The following TUSC3 variants were observed in gnomAD, a reference collection of about 807,000 sequenced individuals.
TUSC3 encodes dolichyl-diphosphooligosaccharide--protein glycosyltransferase subunit TUSC3.
A neutral mutation model predicts 44.8 loss-of-function variants in TUSC3; 45 were observed. The observed-to-expected ratio is 1.00, with a 90% CI of 0.79 to 1.29. The LOEUF (loss-of-function observed/expected upper bound fraction) is 1.29, where lower values mean the gene tolerates loss of function less well. TUSC3 is among the 50% of genes most tolerant of loss of function. The pLI, the probability that TUSC3 is intolerant of heterozygous loss-of-function variation, is 0.00. For missense variants in TUSC3, 519 were observed against 437.9 expected, an observed-to-expected ratio of 1.19 and a Z score of -1.65; for synonymous variants, 212 against 152.9, an observed-to-expected ratio of 1.39 and a Z score of -2.85.
intron 2 of TUSC3, among the ~76,000 whole-genome samples, chr8:15,491,792 C>T (rs552809660): frequency 1.3e-5 from 2 of 152,300 alleles, no homozygotes; most frequent in East Asian, 1.9e-4. Context: ...AGCCTGAATT[C>T]CTCAACAAGT....
rs533336718 is a variant in TUSC3, at chr8:15,456,623, A to G, written n.92-26763A>G. On this transcript the variant is annotated intron_variant and non_coding_transcript_variant, in intron 1 of 5. Coordinates refer to the TUSC3 transcript ENST00000503191. The stretch of plus-strand genomic sequence containing the variant: ...ATTCACTTATGGAACTTTGATGTAG[A>G]CAGAGGTAGGGAAAAAAGGACTTTT... Among the ~76,000 whole-genome samples the G allele has an allele frequency of 2.0e-5, 3 of 152,294 alleles. No homozygotes were observed. In the East Asian group the frequency reaches 5.8e-4, roughly 29 times the overall value.
chr8:15,467,753 T>C (rs1171967508), intron 1 of TUSC3, among the ~76,000 whole-genome samples: 1 of 152,202 alleles, frequency 6.6e-6, no homozygotes, highest in Non-Finnish European at 1.5e-5. Context: ...ATCAGTCATC[T>C]TGAATTACGT....
chr8:15,597,044 T>A (rs2129152949), intron 1 of TUSC3, among the ~76,000 whole-genome samples: 1 of 152,168 alleles, frequency 6.6e-6, no homozygotes, highest in East Asian at 1.9e-4. Context: ...TCAGCAGAAG[T>A]CAGACTTGTT....
chr8:15,604,515 A>G (rs545323224), intron 1 of TUSC3, among the ~76,000 whole-genome samples: 1 of 151,778 alleles, frequency 6.6e-6, no homozygotes, highest in Non-Finnish European at 1.5e-5. Context: ...ATATTTTCTT[A>G]TAATTATTGT....
chr8:15,825,634 T>C, the TUSC3 span, among the ~76,000 whole-genome samples: 2 of 152,148 alleles, frequency 1.3e-5, no homozygotes, highest in Non-Finnish European at 2.9e-5. Flanking sequence ...ACTGCTCTTA[T>C]TCTTAAGGAA....
chr8:15,828,273 G>C, the TUSC3 span, among the ~76,000 whole-genome samples: 1 of 152,156 alleles, frequency 6.6e-6, no homozygotes, highest in Non-Finnish European at 1.5e-5. Context: ...GGGATTATAG[G>C]CATGAGCCAC....
At chr8:15,807,097 G>T in the TUSC3 span, 1 of 1,321,146 alleles carries the variant, frequency 7.6e-7, no homozygotes, top group East Asian at 2.3e-5. Context: ...TGAGAACCAG[G>T]ATGCCCGTTA....
At chr8:15,740,764 A>G (rs1278515415) in intron 7 of TUSC3, among the ~76,000 whole-genome samples, 1 of 152,194 alleles carries the variant, frequency 6.6e-6, no homozygotes, top group African/African-American at 2.4e-5. Context: ...AAACCTCTCA[A>G]AAATTCCACT....
At chr8:15,488,369 G>T (rs894790583) in intron 2 of TUSC3, among the ~76,000 whole-genome samples, 4 of 151,908 alleles carry the variant, frequency 2.6e-5, no homozygotes, top group Admixed American at 2.6e-4. Context: ...GGGTGTAGTG[G>T]CTCGCACCTG....
Position 15,661,318 on chromosome 8 carries a change from A to G in TUSC3, c.568-838A>G, listed in dbSNP as rs1807414668. 2.0e-5 allele frequency among the ~76,000 whole-genome samples: 3 copies of G among 151,992 alleles called. No individual in the cohort carries two copies. In the South Asian group the frequency reaches 6.2e-4, roughly 31 times the overall value. ...TGGTCTAGAGTTAGATATTTCATTTAATTGTCATGTCTTGTAAGCTTCTTT... is the reference window on the plus strand; with the variant it reads ...TGGTCTAGAGTTAGATATTTCATTTGATTGTCATGTCTTGTAAGCTTCTTT... On this transcript the variant is annotated intron_variant, in intron 4 of 10. Coordinates refer to ENST00000503731, the MANE Select transcript of TUSC3 (RefSeq NM_006765.4).
intron 1 of TUSC3, among the ~76,000 whole-genome samples, chr8:15,483,098 G>C (rs545316732): frequency 6.6e-6 from 1 of 152,254 alleles, no homozygotes; most frequent in East Asian, 1.9e-4. Flanking sequence ...AACAGGAAAA[G>C]AGAAACGGGA....
chr8:15,719,374 T>A (rs901716206), intron 6 of TUSC3, among the ~76,000 whole-genome samples: 1 of 152,000 alleles, frequency 6.6e-6, no homozygotes, highest in Admixed American at 6.6e-5. Context: ...CTGTGGTGTT[T>A]ATCCTGACCT....
At chr8:15,559,541 C>T (rs995412764) in intron 1 of TUSC3, among the ~76,000 whole-genome samples, 8 of 141,834 alleles carry the variant, frequency 5.6e-5, no homozygotes, top group Non-Finnish European at 7.8e-5. Flanking sequence ...GAGCTGAGTT[C>T]TATTCCTGGG....
chr8:15,762,926 T>G (rs1202630533), intron 10 of TUSC3, among the ~76,000 whole-genome samples: 2 of 152,134 alleles, frequency 1.3e-5, no homozygotes, highest in East Asian at 1.9e-4. Context: ...ATGGTCACCC[T>G]TATCGTACGC....
At chr8:15,844,819 A>G in the TUSC3 span, among the ~76,000 whole-genome samples, 1 of 152,126 alleles carries the variant, frequency 6.6e-6, no homozygotes, top group African/African-American at 2.4e-5. Context: ...TTTAAAGCCT[A>G]TCTACTCTAG....
chr8:15,477,603 T>C (rs1034383497), intron 1 of TUSC3, among the ~76,000 whole-genome samples: 1 of 151,998 alleles, frequency 6.6e-6, no homozygotes, highest in African/African-American at 2.4e-5. Context: ...GTGGCTGTAG[T>C]CCCAGCTACT....
At chr8:15,593,919 C>T (rs1803959072) in intron 1 of TUSC3, among the ~76,000 whole-genome samples, 1 of 152,106 alleles carries the variant, frequency 6.6e-6, no homozygotes, top group Non-Finnish European at 1.5e-5. Context: ...AAGCATTAAT[C>T]TACTCTATAA....
At chr8:15,496,376 T>G (rs892637710) in intron 2 of TUSC3, among the ~76,000 whole-genome samples, 1 of 152,230 alleles carries the variant, frequency 6.6e-6, no homozygotes, top group Non-Finnish European at 1.5e-5. Context: ...GAATTTGTGC[T>G]GTCTCCTAGG....
chr8:15,466,959 A>T (rs142528317), intron 1 of TUSC3, among the ~76,000 whole-genome samples: 2 of 152,192 alleles, frequency 1.3e-5, no homozygotes, highest in African/African-American at 4.8e-5. Flanking sequence ...GTTCCTGAGT[A>T]CAGTATTTAA....
Sources: allele counts gnomAD v4.1 joint callset (sites outside exome capture counted in the v4.1 genomes callset), GRCh38; gene constraint gnomAD v4.1.1; transcripts MANE v1.5; gene names NCBI Gene and HGNC (gene_info 2026-07-23, HGNC 2026-07-21).